The following PSD3 variants were observed in gnomAD, a reference collection of about 807,000 sequenced individuals.
PSD3 encodes PH and SEC7 domain-containing protein 3.
Under a neutral mutation model 105.5 loss-of-function variants are expected in PSD3, and 49 were observed. The observed-to-expected ratio is 0.46, with a 90% CI of 0.37 to 0.59. PSD3 has a LOEUF of 0.59. Among genes scored for constraint, PSD3 ranks in the 20% least tolerant of loss-of-function variants. PSD3 has a pLI of 0.00. For synonymous variants in PSD3, 557 were observed against 457.8 expected (o/e 1.22, Z -2.77); for missense variants, 1,561 against 1,263.8 (o/e 1.24, Z -3.57).
intron 9 of PSD3, chr8:18,762,875 C>T (rs1806654355): frequency 8.2e-7 from 1 of 1,215,672 alleles, no homozygotes; most frequent in Non-Finnish European, 1.1e-6. Flanking sequence ...ACTACAACAA[C>T]AAAAAAACAG....
chr8:19,013,424 C>G (rs1827046867), intron 1 of PSD3, 139 bp downstream of exon 1: 1 of 1,157,366 alleles, frequency 8.6e-7, no homozygotes, highest in African/African-American at 1.6e-5. Context: ...AAATCGCACC[C>G]TGCACCTATC....
intron 1 of PSD3, among the ~76,000 whole-genome samples, chr8:18,987,108 C>A (rs1056781291): frequency 6.6e-6 from 1 of 151,942 alleles, no homozygotes; most frequent in African/African-American, 2.4e-5. Context: ...GCAAACTATA[C>A]CTAATAATTT....
At chr8:18,622,258 T>C (rs146398218) in intron 11 of PSD3, among the ~76,000 whole-genome samples, 172 of 152,370 alleles carry the variant, frequency 1.1e-3, no homozygotes, top group African/African-American at 4.0e-3. Context: ...ATTAAAGTGA[T>C]ATGTCCACAC....
intron 9 of PSD3, among the ~76,000 whole-genome samples, chr8:18,672,313 T>A (rs1180539807): frequency 2.6e-5 from 4 of 151,350 alleles, no homozygotes; most frequent in African/African-American, 4.9e-5. Context: ...ACTTGCTGGG[T>A]AACAAGCACA....
intron 10 of PSD3, among the ~76,000 whole-genome samples, chr8:18,641,927 G>T (rs1483939998): frequency 6.6e-6 from 1 of 152,142 alleles, no homozygotes; most frequent in Non-Finnish European, 1.5e-5. Context: ...AAAGCATGTA[G>T]TTAAATTTTA....
intron 11 of PSD3, among the ~76,000 whole-genome samples, chr8:18,604,594 T>C (rs1804676557): frequency 6.6e-6 from 1 of 151,864 alleles, no homozygotes; most frequent in Non-Finnish European, 1.5e-5. Flanking sequence ...CTGCAGAAAT[T>C]TGCATAAATT....
intron 1 of PSD3, among the ~76,000 whole-genome samples, chr8:19,076,770 C>T (rs899913738): frequency 1.6e-4 from 25 of 152,166 alleles, no homozygotes; most frequent in African/African-American, 5.5e-4. Context: ...ATGCTTCCTC[C>T]CTCCCTTCCT....
intron 15 of PSD3, among the ~76,000 whole-genome samples, chr8:18,554,239 T>C (rs1432539468): frequency 2.0e-5 from 3 of 152,104 alleles, no homozygotes. Context: ...GAAATTTAAT[T>C]AGCTTGTGTG....
chr8:19,046,861 A>T (rs1246147691), intron 1 of PSD3, among the ~76,000 whole-genome samples: 2 of 152,214 alleles, frequency 1.3e-5, no homozygotes, highest in African/African-American at 4.8e-5. Context: ...CTGCAGTGAA[A>T]AAAAGGCCTT....
At chr8:18,958,327 C>G (rs1049826244) in intron 1 of PSD3, among the ~76,000 whole-genome samples, 2 of 152,148 alleles carry the variant, frequency 1.3e-5, no homozygotes, top group Non-Finnish European at 2.9e-5. Context: ...AACTGGGTTT[C>G]TGAGGTTAGA....
chr8:18,862,877 GA>G (rs1816550984), intron 4 of PSD3, among the ~76,000 whole-genome samples: 1 of 103,102 alleles, frequency 9.7e-6, no homozygotes, highest in South Asian at 3.0e-4. Flanking sequence ...GGAGGAGAAA[GA>G]AATAAGAGCA....
intron 1 of PSD3, among the ~76,000 whole-genome samples, chr8:19,068,250 G>C (rs1829141378): frequency 6.6e-6 from 1 of 150,722 alleles, no homozygotes; most frequent in South Asian, 2.1e-4. Flanking sequence ...AAAAAAAATA[G>C]ATTCAGATGG....
intron 2 of PSD3, among the ~76,000 whole-genome samples, chr8:18,931,296 G>A (rs1008046646): frequency 6.6e-6 from 1 of 151,828 alleles, no homozygotes; most frequent in African/African-American, 2.4e-5. Context: ...ACTGCAAGGA[G>A]TCATGTATCT....
chr8:18,925,131 AACAG>A (rs1563427073), intron 2 of PSD3, among the ~76,000 whole-genome samples: 2 of 152,212 alleles, frequency 1.3e-5, no homozygotes. Flanking sequence ...CTCAATCATA[AACAG>A]ACAAATAAGC....
At chr8:19,043,267 AT>A (rs1393501964) in intron 1 of PSD3, among the ~76,000 whole-genome samples, 1 of 152,168 alleles carries the variant, frequency 6.6e-6, no homozygotes, top group African/African-American at 2.4e-5. Context: ...ATATAAACAG[AT>A]TTTGGAACAG....
chr8:18,780,700 C>T (rs1432195699), intron 8 of PSD3, among the ~76,000 whole-genome samples: 2 of 152,022 alleles, frequency 1.3e-5, no homozygotes, highest in Non-Finnish European at 2.9e-5. Flanking sequence ...ACTACAGGTG[C>T]CTGCCACCAA....
intron 2 of PSD3, among the ~76,000 whole-genome samples, chr8:18,907,828 T>A (rs1369316395): frequency 2.0e-5 from 3 of 152,352 alleles, no homozygotes; most frequent in African/African-American, 7.2e-5. Flanking sequence ...TAATGATACA[T>A]AGTTGCCGCA....
intron 9 of PSD3, among the ~76,000 whole-genome samples, chr8:18,700,646 C>T (rs1801524192): frequency 6.6e-6 from 1 of 152,228 alleles, no homozygotes. Flanking sequence ...CCTCTCAACT[C>T]AAACACCAAT....
rs13263453 is a variant in PSD3 at position 18,871,986 on chromosome 8, G to A, written c.878C>T (p.Pro293Leu). The A allele has an allele frequency of 0.12, 198,106 of 1,613,926 alleles. 14,425 individuals are homozygous for A. The highest frequency in any genetic ancestry group is 0.32 in the East Asian group (14,570 of 44,840). Residue 293 changes from proline (P) to leucine (L), a missense_variant, in exon 3 of 16, where the codon CCA becomes CTA. By Grantham distance (98) the Pro-to-Leu change is moderately conservative. Transcript: ENST00000327040. ...AAATTCCACATGTTTGACCCGGCCTGGGCGTCCCATGGAGCTGCTTCGATC... is the reference window on the plus strand; with the variant it reads ...AAATTCCACATGTTTGACCCGGCCTAGGCGTCCCATGGAGCTGCTTCGATC... ...GCDRSSSMGR[P>L]GRVKHVEFQG...
Sources: gnomAD v4.1 joint callset for allele counts (sites outside exome capture counted in the v4.1 genomes callset) on GRCh38, gnomAD v4.1.1 for gene constraint, MANE v1.5 for transcripts, NCBI Gene and HGNC (gene_info 2026-07-23, HGNC 2026-07-21) for gene names.